Variants in PSME3IP1 observed in about 807,000 individuals in gnomAD.
The protein encoded by PSME3IP1 is proteasome activator subunit 3 interacting protein 1.
Under a neutral mutation model 34.1 loss-of-function variants are expected in PSME3IP1, and 13 were observed. The observed-to-expected ratio is 0.38, with a 90% confidence interval of 0.25 to 0.61. The LOEUF is 0.61. Ranked by LOEUF, PSME3IP1 falls within the 20% of genes least tolerant of loss-of-function variation. The pLI is 0.60. For missense variants in PSME3IP1, 237 were observed against 301.4 expected (o/e 0.79, Z 1.58); for synonymous variants, 93 against 114.3 (o/e 0.81, Z 1.19).
chr16:57,177,580 T>G (rs1441797566), intron 1 of PSME3IP1, among the ~76,000 whole-genome samples: 1 of 151,952 alleles, frequency 6.6e-6, no homozygotes, highest in African/African-American at 2.4e-5. Context: ...AAAAAAAAAT[T>G]TAAAGGCAAG....
intron 4 of PSME3IP1, among the ~76,000 whole-genome samples, chr16:57,170,801 G>A (rs150457349): frequency 3.3e-5 from 5 of 152,212 alleles, no homozygotes; most frequent in South Asian, 2.1e-4. Flanking sequence ...TGCTGGGTGC[G>A]GTGGCTTACG....
chr16:57,152,835 T>C lies in PSME3IP1; in HGVS notation c.*1455A>G, dbSNP rs536249865. 6.5e-6 allele frequency: 1 copy of C among 152,676 alleles called. No homozygotes were observed. The highest frequency in any genetic ancestry group is 1.5e-5 in the Non-Finnish European group (1 of 68,090). The allele number at this position is 152,676 out of a possible 1,614,324, so 9.5% of individuals were successfully genotyped here. On this transcript the variant is annotated 3_prime_UTR_variant, in exon 7 of 7. Transcript: ENST00000309137. ...GGAAGAATTCACAAAGCATCAGTTA[T>C]GGGTGCAGGGAAGTCGCCATCTGCC...
chr16:57,185,540 C>T, intron 1 of PSME3IP1: 2 of 985,474 alleles, frequency 2.0e-6, no homozygotes, highest in Non-Finnish European at 2.4e-6. Context: ...CCTGGGTGGC[C>T]CTACCTAGCA....
rs186451133 is a variant in PSME3IP1 at position 57,181,547 on chromosome 16, T to C, written c.-16+4274A>G. On this transcript the variant is annotated intron_variant, in intron 1 of 6. Transcript: ENST00000309137. The stretch of plus-strand genomic sequence containing the variant: ...CTCTAATTCAGTTCAATTCTGACAC[T>C]ACCTACCTGGATGGAGACCGCGTCA... 6 of 152,324 alleles carry C rather than the reference T, an allele frequency of 3.9e-5. No homozygotes were observed. In the East Asian group the frequency reaches 9.6e-4, roughly 24 times the overall value. 9.4% of individuals were successfully genotyped at this position (152,324 alleles called of 1,614,324 possible).
At position 57,170,128 on chromosome 16, in the gene PSME3IP1, C is replaced by T. The variant is rs142355488; in HGVS notation, c.348+2123G>A. On this transcript the variant is annotated intron_variant, in intron 4 of 6. Transcript: ENST00000309137. ...AGATAAAGTCTTGCTCTGTCCCCAGCCTGGAGTACAGTGGCGTGACCTTGG... is the reference window on the plus strand; with the variant it reads ...AGATAAAGTCTTGCTCTGTCCCCAGTCTGGAGTACAGTGGCGTGACCTTGG... 8.9e-4 allele frequency among the ~76,000 whole-genome samples: 134 copies of T among 150,786 alleles called. 1 individual carries two copies. The highest frequency in any genetic ancestry group is 3.0e-3 in the African/African-American group (123 of 40,944).
chr16:57,173,094 C>A (rs2072784314), intron 2 of PSME3IP1, among the ~76,000 whole-genome samples: 2 of 152,210 alleles, frequency 1.3e-5, no homozygotes, highest in Non-Finnish European at 2.9e-5. Context: ...ATGTCAATAG[C>A]GCCCATGGCC....
chr16:57,163,008 T>C (rs1372686251), intron 6 of PSME3IP1, among the ~76,000 whole-genome samples: 4 of 151,814 alleles, frequency 2.6e-5, no homozygotes, highest in African/African-American at 9.7e-5. Flanking sequence ...CTACTAAAAA[T>C]ACAAAAATTA....
intron 6 of PSME3IP1, among the ~76,000 whole-genome samples, chr16:57,158,493 C>A (rs2145458708): frequency 6.6e-6 from 1 of 152,256 alleles, no homozygotes; most frequent in Admixed American, 6.5e-5. Context: ...GTGGCTGAGG[C>A]AGAAGAATCG....
rs141346460 is a variant in PSME3IP1 at position 57,171,172 on chromosome 16, C to T, written c.348+1079G>A. Among the ~76,000 whole-genome samples the T allele has an allele frequency of 3.7e-3, 569 of 152,212 alleles. 5 individuals are homozygous for T. Among genetic ancestry groups the T allele is most frequent in the African/African-American group, 0.013 (545 of 41,516 alleles). On this transcript the variant is annotated intron_variant, in intron 4 of 6. Transcript: ENST00000309137. ...GAGCAGAGGGCTGAGCTGTGAAATG[C>T]ATCTTGCAAAATCTGAGGGCAGAAC...
intron 6 of PSME3IP1, among the ~76,000 whole-genome samples, chr16:57,156,598 G>A (rs1386087269): frequency 2.0e-5 from 3 of 152,114 alleles, no homozygotes; most frequent in African/African-American, 4.8e-5. Context: ...AATGAAAGCC[G>A]ACAGTGGCTA....
chr16:57,157,313 C>CAAA (rs751911757), intron 6 of PSME3IP1, among the ~76,000 whole-genome samples: 18 of 76,592 alleles, frequency 2.4e-4, no homozygotes, highest in Admixed American at 5.8e-4. Context: ...AACCTATCTC[C>CAAA]AAAAAAAAAA....
At position 57,177,284 on chromosome 16, in the gene PSME3IP1, C is replaced by G. The variant is rs1026257687; in HGVS notation, c.-15-3415G>C. Among the ~76,000 whole-genome samples, 13 of 151,968 alleles carry G rather than the reference C, an allele frequency of 8.6e-5. 1 individual carries two copies. The Middle Eastern group carries it at 0.014, about 163-fold the overall frequency. On this transcript the variant is annotated intron_variant, in intron 1 of 6. Coordinates refer to ENST00000309137, the MANE Select transcript of PSME3IP1 (RefSeq NM_024946.4). ...ATTCAGAGAGCCTCCTGGGCTCAAG[C>G]AGTTCTCATGCCTCAGCCTCCCGAA...
At chr16:57,161,815 T>C (rs1567373063) in intron 6 of PSME3IP1, among the ~76,000 whole-genome samples, 1 of 152,040 alleles carries the variant, frequency 6.6e-6, no homozygotes, top group Non-Finnish European at 1.5e-5. Flanking sequence ...CCGGCCAAGA[T>C]CATAATTTTT....
intron 6 of PSME3IP1, among the ~76,000 whole-genome samples, chr16:57,161,036 T>A (rs573261687): frequency 1.3e-5 from 2 of 152,334 alleles, no homozygotes; most frequent in African/African-American, 4.8e-5. Context: ...ACTTACAGAT[T>A]AAATTCAAAT....
chr16:57,175,340 GTT>G (rs1278400255), intron 1 of PSME3IP1, among the ~76,000 whole-genome samples: 1 of 151,958 alleles, frequency 6.6e-6, no homozygotes, highest in Non-Finnish European at 1.5e-5. Context: ...CTAAACCTCT[GTT>G]TTTCTTTATT....
intron 1 of PSME3IP1, among the ~76,000 whole-genome samples, chr16:57,180,131 G>A (rs1369273128): frequency 6.6e-6 from 1 of 152,140 alleles, no homozygotes; most frequent in Admixed American, 6.5e-5. Context: ...TAGCAAAGGA[G>A]ACTAAAAGAA....
chr16:57,184,429 A>G (rs1246179743), intron 1 of PSME3IP1, among the ~76,000 whole-genome samples: 1 of 151,826 alleles, frequency 6.6e-6, no homozygotes, highest in Non-Finnish European at 1.5e-5. Flanking sequence ...CAAACACAAA[A>G]CAATCTTTTT....
Position 57,154,286 on chromosome 16 carries a change from G to A in PSME3IP1, c.*4C>T. The A allele has an allele frequency of 6.2e-7, 1 of 1,613,696 alleles. No individual in the cohort carries two copies. Among genetic ancestry groups the A allele is most frequent in the Non-Finnish European group, 8.5e-7 (1 of 1,179,848 alleles). On this transcript the variant is annotated 3_prime_UTR_variant, in exon 7 of 7. Coordinates refer to ENST00000309137, the MANE Select transcript of PSME3IP1 (RefSeq NM_024946.4). The surrounding 1 kb of genome is among the most constrained non-coding windows in gnomAD (Gnocchi z 4.0). ...GAGGAGCTCCCTGTGTAGGGACGGA[G>A]AAACTAGGGGGCCTCGAGGAAGGTG...
intron 1 of PSME3IP1, among the ~76,000 whole-genome samples, chr16:57,183,856 C>T (rs991701407): frequency 3.3e-5 from 5 of 152,144 alleles, no homozygotes; most frequent in African/African-American, 1.2e-4. Context: ...CCTCCCTCTC[C>T]ATCTTAATCT....
Sources: allele counts gnomAD v4.1 joint callset (sites outside exome capture counted in the v4.1 genomes callset), GRCh38; gene constraint gnomAD v4.1.1; non-coding constraint Gnocchi (gnomAD v3.1); transcripts MANE v1.5; gene names NCBI Gene and HGNC (gene_info 2026-07-23, HGNC 2026-07-21).